RSBN1L: variants seen among roughly 807,000 people sequenced by gnomAD.
The protein encoded by RSBN1L is round spermatid basic protein 1 like.
Under a neutral mutation model 67.7 loss-of-function variants are expected in RSBN1L, and 30 were observed. That is an observed-to-expected ratio of 0.44 (90% CI 0.33 to 0.60). The LOEUF is 0.60. Ranked by LOEUF, RSBN1L falls within the 20% of genes least tolerant of loss-of-function variation. The probability of loss-of-function intolerance (pLI) is 0.02; values close to 1 mark genes in which losing one functional copy is unlikely to be tolerated. For missense variants in RSBN1L, 992 were observed against 1,031.7 expected, an observed-to-expected ratio of 0.96 and a Z score of 0.53; for synonymous variants, 433 against 387.0, an observed-to-expected ratio of 1.12 and a Z score of -1.39.
At chr7:77,739,299 TTAATGA>T (rs1459209103) in intron 2 of RSBN1L, among the ~76,000 whole-genome samples, 4 of 152,198 alleles carry the variant, frequency 2.6e-5, no homozygotes, top group Non-Finnish European at 2.9e-5. Context: ...TTTTCTTCTG[TTAATGA>T]TAATGTTGCA....
chr7:77,772,283 A>AT (rs1480354190), intron 5 of RSBN1L, among the ~76,000 whole-genome samples: 1 of 152,206 alleles, frequency 6.6e-6, no homozygotes, highest in Non-Finnish European at 1.5e-5. Context: ...AGGAAGAGTG[A>AT]TCCCTGGGAA....
Position 77,768,330 on chromosome 7 carries a change from A to T in RSBN1L, c.1483-331A>T, listed in dbSNP as rs186604014. ...TAATTGTTCATTTTTATAGATTCTT[A>T]TGAGAGCACTTGCTTATTTAGTCCG... On this transcript the variant is annotated intron_variant, in intron 4 of 7. Transcript: ENST00000334955. 267 of 178,020 alleles carry T rather than the reference A, an allele frequency of 1.5e-3. 1 individual carries two copies. The highest frequency in any genetic ancestry group is 5.8e-3 in the African/African-American group (247 of 42,676). The allele number at this position is 178,020 out of a possible 1,614,324, so 11.0% of individuals were successfully genotyped here.
At chr7:77,752,580 C>T (rs112221775) in intron 3 of RSBN1L, among the ~76,000 whole-genome samples, 3 of 152,264 alleles carry the variant, frequency 2.0e-5, no homozygotes, top group African/African-American at 7.2e-5. Flanking sequence ...CCCTGGAGTC[C>T]TCCCAGTTAA....
chr7:77,724,125 C>T (rs1791160032), intron 1 of RSBN1L, among the ~76,000 whole-genome samples: 1 of 151,928 alleles, frequency 6.6e-6, no homozygotes, highest in Non-Finnish European at 1.5e-5. Flanking sequence ...TCTTGATTAA[C>T]TATAGCATAA....
At chr7:77,719,228 T>C (rs1425900549) in intron 1 of RSBN1L, among the ~76,000 whole-genome samples, 2 of 152,238 alleles carry the variant, frequency 1.3e-5, no homozygotes, top group African/African-American at 4.8e-5. Context: ...ATAAAGCATC[T>C]GTAGGTGTGT....
At position 77,781,640 on chromosome 7, in the gene RSBN1L, T is replaced by C. The variant is rs191828064; in HGVS notation, c.*2472T>C. On this transcript the variant is annotated 3_prime_UTR_variant, in exon 8 of 8. Transcript: ENST00000334955. ...GGTTGCTTTTAGGTATAGTTTCCTA[T>C]ATAACCTATAGTCAGACTTATCTAT... is the stretch of plus-strand genomic sequence containing the variant. 2.6e-5 allele frequency: 4 copies of C among 152,320 alleles called. No individual in the cohort carries two copies. Among genetic ancestry groups the C allele is most frequent in the African/African-American group, 9.6e-5 (4 of 41,572 alleles). 9.4% of individuals were successfully genotyped at this position (152,320 alleles called of 1,614,324 possible).
intron 1 of RSBN1L, among the ~76,000 whole-genome samples, chr7:77,698,643 A>G (rs1790772581): frequency 6.6e-6 from 1 of 152,236 alleles, no homozygotes; most frequent in Admixed American, 6.5e-5. Context: ...AGTCTTTTCA[A>G]TTACATTTAG....
chr7:77,763,688 T>C (rs1791725165), intron 3 of RSBN1L, among the ~76,000 whole-genome samples: 1 of 152,238 alleles, frequency 6.6e-6, no homozygotes, highest in African/African-American at 2.4e-5. Flanking sequence ...GCCCCAGCTG[T>C]TCTTATATTT....
At chr7:77,717,030 A>G (rs1388327155) in intron 1 of RSBN1L, among the ~76,000 whole-genome samples, 1 of 150,648 alleles carries the variant, frequency 6.6e-6, no homozygotes, top group Non-Finnish European at 1.5e-5. Context: ...GCGTAATCAT[A>G]GCTCATTGCA....
At chr7:77,737,500 A>G (rs1791352695) in intron 2 of RSBN1L, among the ~76,000 whole-genome samples, 1 of 152,286 alleles carries the variant, frequency 6.6e-6, no homozygotes, top group South Asian at 2.1e-4. Flanking sequence ...TTCGTTTTCT[A>G]TTATCTACAT....
intron 5 of RSBN1L, among the ~76,000 whole-genome samples, chr7:77,769,252 G>T (rs1336457346): frequency 6.6e-6 from 1 of 152,152 alleles, no homozygotes; most frequent in Non-Finnish European, 1.5e-5. Context: ...TCATAAGGAA[G>T]TAAACTTTTC....
chr7:77,775,830 C>T (rs944812553), intron 6 of RSBN1L, among the ~76,000 whole-genome samples: 1 of 151,848 alleles, frequency 6.6e-6, no homozygotes, highest in Non-Finnish European at 1.5e-5. Flanking sequence ...CCAAGGCGGG[C>T]GGATCACCTG....
Position 77,747,017 on chromosome 7 carries a change from T to C in RSBN1L, c.704-2407T>C, listed in dbSNP as rs546638503. On this transcript the variant is annotated intron_variant, in intron 2 of 7. Coordinates refer to ENST00000334955, the MANE Select transcript of RSBN1L (RefSeq NM_198467.3). ...GGCTGGTATTGAGGGCTTGAGGCTT[T>C]TTCAAGTGCGTGGTGCAAGCTTTTG... 2.0e-5 allele frequency among the ~76,000 whole-genome samples: 3 copies of C among 152,276 alleles called. No individual in the cohort carries two copies. The South Asian group carries it at 6.2e-4, about 32-fold the overall frequency.
At chr7:77,710,721 G>A (rs1322946734) in intron 1 of RSBN1L, among the ~76,000 whole-genome samples, 2 of 151,824 alleles carry the variant, frequency 1.3e-5, no homozygotes, top group African/African-American at 4.8e-5. Context: ...TCAGCCTCCC[G>A]AGTAGCTGGG....
intron 1 of RSBN1L, among the ~76,000 whole-genome samples, chr7:77,724,005 T>C (rs928880747): frequency 6.6e-6 from 1 of 152,084 alleles, no homozygotes; most frequent in African/African-American, 2.4e-5. Flanking sequence ...CTTGAATTTC[T>C]GGGCTCAAGC....
chr7:77,735,595 T>C (rs1174523417), intron 1 of RSBN1L, among the ~76,000 whole-genome samples: 1 of 152,196 alleles, frequency 6.6e-6, no homozygotes, highest in East Asian at 1.9e-4. Flanking sequence ...ATATAATCTC[T>C]ACTATATTCC....
intron 3 of RSBN1L, among the ~76,000 whole-genome samples, chr7:77,750,462 A>G (rs1420261475): frequency 6.6e-6 from 1 of 152,124 alleles, no homozygotes; most frequent in African/African-American, 2.4e-5. Flanking sequence ...GGCCCATCAC[A>G]TGGTAGGTAC....
At position 77,749,490 on chromosome 7, in the gene RSBN1L, AAAAG is replaced by A; in HGVS notation, c.774_777del (p.Lys258AsnfsTer26). 1 of 1,593,946 alleles carries A rather than the reference AAAAG, an allele frequency of 6.3e-7. No individual in the cohort carries two copies. The highest frequency in any genetic ancestry group is 8.5e-7 in the Non-Finnish European group (1 of 1,174,894). On this transcript the variant is annotated frameshift_variant, in exon 3 of 8. Coordinates refer to ENST00000334955, the MANE Select transcript of RSBN1L (RefSeq NM_198467.3). LOFTEE classifies it high-confidence loss of function. ...ATTAAAAAGGTAAAGAAGAAAAAGA[AAAAG>A]AAACACAAAGAGAATGAAAAACGGA...
At chr7:77,745,280 T>C (rs1406252211) in intron 2 of RSBN1L, among the ~76,000 whole-genome samples, 1 of 149,048 alleles carries the variant, frequency 6.7e-6, no homozygotes, top group African/African-American at 2.5e-5. Context: ...AAAAAAAAAG[T>C]TGACTGAAAG....
Sources: allele counts gnomAD v4.1 joint callset (sites outside exome capture counted in the v4.1 genomes callset), GRCh38; gene constraint gnomAD v4.1.1; transcripts MANE v1.5; gene names NCBI Gene and HGNC (gene_info 2026-07-23, HGNC 2026-07-21).